NRG3: variants seen among roughly 807,000 people sequenced by gnomAD.
NRG3 encodes pro-neuregulin-3, membrane-bound isoform.
In NRG3, 31 loss-of-function variants were observed where a neutral mutation model predicts 66.9. The observed-to-expected ratio is 0.46, with a 90% CI of 0.35 to 0.63. The LOEUF is 0.63. NRG3 is among the 20% of genes least tolerant of loss of function. The pLI, the probability that NRG3 is intolerant of heterozygous loss-of-function variation, is 0.00. For synonymous variants in NRG3, 393 were observed against 359.4 expected, an observed-to-expected ratio of 1.09 and a Z score of -1.06; for missense variants, 910 against 878.9, an observed-to-expected ratio of 1.04 and a Z score of -0.45.
chr10:82,433,481 T>A (rs547653142), intron 2 of NRG3, among the ~76,000 whole-genome samples: 2 of 152,376 alleles, frequency 1.3e-5, no homozygotes, highest in South Asian at 4.1e-4. Context: ...AGATCCCATT[T>A]GTCAATTTTG....
At chr10:82,840,409 T>C (rs1451428905) in intron 3 of NRG3, among the ~76,000 whole-genome samples, 1 of 145,730 alleles carries the variant, frequency 6.9e-6, no homozygotes, top group South Asian at 2.1e-4. Context: ...ATGTTCAACA[T>C]ACACATTTTT....
chr10:82,901,380 C>G (rs986701811), intron 4 of NRG3, among the ~76,000 whole-genome samples: 1 of 151,978 alleles, frequency 6.6e-6, no homozygotes, highest in Non-Finnish European at 1.5e-5. Flanking sequence ...TGATCCAAGT[C>G]GCTCCAACCT....
At chr10:82,580,329 T>A (rs1237295394) in intron 2 of NRG3, among the ~76,000 whole-genome samples, 1 of 151,924 alleles carries the variant, frequency 6.6e-6, no homozygotes, top group Non-Finnish European at 1.5e-5. Flanking sequence ...AGAGTTCCTA[T>A]ATAATCACTC....
chr10:82,091,101 T>A (rs2065999812), intron 1 of NRG3, among the ~76,000 whole-genome samples: 1 of 152,158 alleles, frequency 6.6e-6, no homozygotes, highest in Non-Finnish European at 1.5e-5. Flanking sequence ...AATTTTATTT[T>A]TTTCTCTTTC....
chr10:81,883,131 A>G lies in NRG3; in HGVS notation c.823+6968A>G, dbSNP rs114486597. 6.2e-3 allele frequency among the ~76,000 whole-genome samples: 944 copies of G among 152,270 alleles called. 14 individuals carry two copies. Among genetic ancestry groups the G allele is most frequent in the African/African-American group, 0.021 (868 of 41,560 alleles). ...GGAGAGAATTTGTGTGAAAATAGGC[A>G]TGTCTGCACTGCATTCCCTTGGCCA... On this transcript the variant is annotated intron_variant, in intron 1 of 8. Transcript: ENST00000372141.
intron 2 of NRG3, among the ~76,000 whole-genome samples, chr10:82,612,604 A>T (rs1323177455): frequency 2.0e-5 from 3 of 152,164 alleles, no homozygotes; most frequent in African/African-American, 7.2e-5. Flanking sequence ...GAATCTTTTT[A>T]TCTGTGCAGT....
chr10:82,628,267 C>G (rs1165092083), intron 2 of NRG3, among the ~76,000 whole-genome samples: 1 of 152,108 alleles, frequency 6.6e-6, no homozygotes, highest in Admixed American at 6.6e-5. Flanking sequence ...TAGGCTTTTT[C>G]TGCAGTAAAT....
intron 6 of NRG3, 74 bp downstream of exon 6, chr10:82,959,149 G>A: frequency 6.9e-7 from 1 of 1,442,964 alleles, no homozygotes; most frequent in Non-Finnish European, 9.2e-7. Context: ...TGGGAGCCTG[G>A]GATCAGACTT....
chr10:82,877,371 CTTTTT>C (rs59994503), intron 4 of NRG3, among the ~76,000 whole-genome samples: 35 of 78,992 alleles, frequency 4.4e-4, no homozygotes, highest in South Asian at 2.2e-3. Context: ...ATAGGGCAGA[CTTTTT>C]TTTTTTTTTT....
At chr10:82,227,565 C>A (rs1347143617) in intron 1 of NRG3, among the ~76,000 whole-genome samples, 2 of 152,028 alleles carry the variant, frequency 1.3e-5, no homozygotes, top group Non-Finnish European at 2.9e-5. Context: ...AGGTGGTACA[C>A]TGATGATTCC....
chr10:82,473,911 A>G (rs753477948), intron 2 of NRG3, among the ~76,000 whole-genome samples: 1 of 152,194 alleles, frequency 6.6e-6, no homozygotes, highest in Non-Finnish European at 1.5e-5. Flanking sequence ...CTGCTGAGGA[A>G]TACAATTGAA....
At chr10:82,856,756 C>T (rs77823181) in intron 3 of NRG3, among the ~76,000 whole-genome samples, 2 of 107,478 alleles carry the variant, frequency 1.9e-5, no homozygotes, top group South Asian at 6.3e-4. Context: ...AAAAAAAAAA[C>T]AAAAAAAAAA....
At chr10:82,125,769 C>G (rs926714953) in intron 1 of NRG3, among the ~76,000 whole-genome samples, 2 of 151,982 alleles carry the variant, frequency 1.3e-5, no homozygotes, top group Non-Finnish European at 2.9e-5. Flanking sequence ...CCCCGGCTCA[C>G]TAGACCATGC....
intron 2 of NRG3, among the ~76,000 whole-genome samples, chr10:82,559,904 A>G (rs546913883): frequency 6.6e-6 from 1 of 152,282 alleles, no homozygotes; most frequent in African/African-American, 2.4e-5. Context: ...AATATAAAGT[A>G]TTAAAACACT....
At chr10:82,879,634 G>A (rs902157750) in intron 4 of NRG3, among the ~76,000 whole-genome samples, 14 of 152,020 alleles carry the variant, frequency 9.2e-5, no homozygotes, top group African/African-American at 2.9e-4. Context: ...CACCACACCC[G>A]GCTAATTTTT....
At position 82,646,555 on chromosome 10, in the gene NRG3, G is replaced by A. The variant is rs533985246; in HGVS notation, c.954-92022G>A. On this transcript the variant is annotated intron_variant, in intron 2 of 8. Transcript: ENST00000372141. ...TTAACTTCCCATTACAGTAAATTAC[G>A]ATGTCGAAGACAAACAAAGCTAGAT... 1.1e-4 allele frequency among the ~76,000 whole-genome samples: 16 copies of A among 152,208 alleles called. No individual in the cohort carries two copies. In the South Asian group the frequency reaches 3.1e-3, roughly 30 times the overall value.
chr10:82,940,275 G>A (rs564994035), intron 4 of NRG3, among the ~76,000 whole-genome samples: 2 of 152,196 alleles, frequency 1.3e-5, no homozygotes, highest in African/African-American at 4.8e-5. Flanking sequence ...TCTTATCGAG[G>A]TATTAGCAGA....
chr10:82,836,014 A>C, intron 3 of NRG3, among the ~76,000 whole-genome samples: 1 of 152,198 alleles, frequency 6.6e-6, no homozygotes, highest in East Asian at 1.9e-4. Flanking sequence ...ACTCTGTTGT[A>C]TGGCTGACAA....
chr10:81,878,151 A>G (rs774557232), intron 1 of NRG3: 337 of 1,396,930 alleles, frequency 2.4e-4, no homozygotes, highest in Admixed American at 6.9e-4. Flanking sequence ...CGGGAATGGC[A>G]GCCTGTTTAA....
Sources: gnomAD v4.1 joint callset for allele counts (sites outside exome capture counted in the v4.1 genomes callset) on GRCh38, gnomAD v4.1.1 for gene constraint, MANE v1.5 for transcripts, NCBI Gene and HGNC (gene_info 2026-07-23, HGNC 2026-07-21) for gene names.